Variants in DCLRE1C observed in about 807,000 individuals in gnomAD.
The protein encoded by DCLRE1C is protein artemis.
A neutral mutation model predicts 61.4 loss-of-function variants in DCLRE1C; 47 were observed. The observed-to-expected ratio is 0.77, with a 90% confidence interval of 0.61 to 0.98. The LOEUF is 0.98. DCLRE1C is among the 50% of genes least tolerant of loss of function. The pLI, the probability that DCLRE1C is intolerant of heterozygous loss-of-function variation, is 0.00. For synonymous variants in DCLRE1C, 337 were observed against 287.6 expected, an observed-to-expected ratio of 1.17 and a Z score of -1.74; for missense variants, 858 against 816.0, an observed-to-expected ratio of 1.05 and a Z score of -0.63.
intron 1 of DCLRE1C, among the ~76,000 whole-genome samples, chr10:14,952,751 C>T (rs978381345): frequency 2.0e-5 from 3 of 151,946 alleles, no homozygotes; most frequent in Non-Finnish European, 4.4e-5. Flanking sequence ...AAGACGTGCA[C>T]GATGCGAATA....
At position 14,947,089 on chromosome 10, in the gene DCLRE1C, G is replaced by A. The variant is rs540811489; in HGVS notation, c.162-1900C>T. ...TAGTTGGGCTTAGAGGCACGTGCCT[G>A]TAGTCCTAGCTGCTTGGGAGGCTGA... On this transcript the variant is annotated intron_variant, in intron 2 of 13. Coordinates refer to ENST00000378278, the MANE Select transcript of DCLRE1C (RefSeq NM_001033855.3). Among the ~76,000 whole-genome samples the A allele has an allele frequency of 7.9e-5, 12 of 152,272 alleles. No homozygotes were observed. In the East Asian group the frequency reaches 1.2e-3, roughly 15 times the overall value.
intron 12 of DCLRE1C, chr10:14,920,439 G>A: frequency 9.9e-6 from 10 of 1,010,154 alleles, no homozygotes; most frequent in Non-Finnish European, 1.2e-5. Flanking sequence ...AAGCCTTTAG[G>A]ATGATCTACA....
chr10:14,954,314 T>A (rs1842871136), upstream of DCLRE1C: 1 of 489,292 alleles, frequency 2.0e-6, no homozygotes, highest in Non-Finnish European at 3.7e-6. Context: ...GGTAAGGCGT[T>A]GCCCATGTCT....
At chr10:14,909,772 G>GACTT (rs1238683054) in intron 13 of DCLRE1C, among the ~76,000 whole-genome samples, 1 of 150,218 alleles carries the variant, frequency 6.7e-6, no homozygotes, top group Non-Finnish European at 1.5e-5. Flanking sequence ...TGGGTTGGCT[G>GACTT]ACTTAGGAAA....
intron 2 of DCLRE1C, among the ~76,000 whole-genome samples, chr10:14,948,787 T>TATATATAC (rs1226369924): frequency 4.6e-5 from 7 of 151,486 alleles, no homozygotes; most frequent in African/African-American, 1.5e-4. Context: ...TATATATATA[T>TATATATAC]ATATCAAGTT....
chr10:14,929,584 G>A (rs1838635667), intron 9 of DCLRE1C, among the ~76,000 whole-genome samples: 1 of 152,054 alleles, frequency 6.6e-6, no homozygotes, highest in African/African-American at 2.4e-5. Flanking sequence ...CGAGGCTACA[G>A]TGAGCAATGA....
intron 2 of DCLRE1C, among the ~76,000 whole-genome samples, chr10:14,948,662 G>A (rs1842022824): frequency 6.6e-6 from 1 of 151,942 alleles, no homozygotes; most frequent in Non-Finnish European, 1.5e-5. Flanking sequence ...GATCACCTGA[G>A]GCCAGGAGTT....
chr10:14,940,416 G>A (rs1380740225), intron 3 of DCLRE1C, among the ~76,000 whole-genome samples: 2 of 151,778 alleles, frequency 1.3e-5, no homozygotes, highest in Non-Finnish European at 2.9e-5. Flanking sequence ...AGCCTCCCAA[G>A]TAGCTGGGAT....
chr10:14,908,911 CAG>C lies in DCLRE1C; in HGVS notation c.1574_1575del (p.Ser525Ter). 6.2e-7 allele frequency: 1 copy of C among 1,614,182 alleles called. No homozygotes were observed. Among genetic ancestry groups the C allele is most frequent in the Non-Finnish European group, 8.5e-7 (1 of 1,180,024 alleles). ...GAGGAGATGTGAGTTGATTCTCCAT[CAG>C]AGTCACTGAAAAGCTTTGGTGACTG... is the stretch of plus-strand genomic sequence containing the variant. ...GSQSPKLFSD[S>X]DGESTHISSQ... On this transcript the variant is annotated frameshift_variant, in exon 14 of 14. Transcript: ENST00000378278. LOFTEE classifies it low-confidence loss of function (END_TRUNC).
intron 1 of DCLRE1C, among the ~76,000 whole-genome samples, chr10:14,951,612 A>G (rs1158773605): frequency 1.3e-5 from 2 of 152,064 alleles, no homozygotes; most frequent in Non-Finnish European, 2.9e-5. Context: ...GGAAGCTGGG[A>G]AGATCAAGAT....
chr10:14,943,112 G>A (rs1465534966), intron 3 of DCLRE1C, among the ~76,000 whole-genome samples: 1 of 152,066 alleles, frequency 6.6e-6, no homozygotes, highest in African/African-American at 2.4e-5. Flanking sequence ...GTGACAGAGT[G>A]AGACTATCTC....
chr10:14,942,759 A>G (rs12258170), intron 3 of DCLRE1C, among the ~76,000 whole-genome samples: 4,353 of 152,180 alleles, frequency 0.029, 116 homozygotes, highest in African/African-American at 0.093. Flanking sequence ...CCTTAGTGCT[A>G]AGGCAGGCAT....
At chr10:14,919,125 T>C (rs1187951471) in intron 13 of DCLRE1C, among the ~76,000 whole-genome samples, 1 of 152,136 alleles carries the variant, frequency 6.6e-6, no homozygotes, top group East Asian at 1.9e-4. Context: ...TAACTGACTT[T>C]CCACCAAAGG....
intron 13 of DCLRE1C, among the ~76,000 whole-genome samples, chr10:14,914,756 T>C (rs1835880396): frequency 6.6e-6 from 1 of 152,092 alleles, no homozygotes; most frequent in Non-Finnish European, 1.5e-5. Flanking sequence ...CTGGCCAACA[T>C]GGCAAAACCC....
At position 14,927,105 on chromosome 10, in the gene DCLRE1C, C is replaced by T. The variant is rs373557682; in HGVS notation, c.918-208G>A. ...AGAAGTGGAAACCTGTTGTAGACCG[C>T]GTGTGGTGGCTCACGCCTATAATCC... On this transcript the variant is annotated intron_variant, in intron 10 of 13. Transcript: ENST00000378278. 1.8e-4 allele frequency among the ~76,000 whole-genome samples: 27 copies of T among 152,226 alleles called. No homozygotes were observed. In the East Asian group the frequency reaches 3.7e-3, roughly 21 times the overall value.
At chr10:14,923,735 A>C (rs918415241) in intron 11 of DCLRE1C, 5 of 153,616 alleles carry the variant, frequency 3.3e-5, no homozygotes, top group Non-Finnish European at 7.2e-5. Flanking sequence ...GATTTGTTCA[A>C]ATGGTTCATT....
intron 13 of DCLRE1C, among the ~76,000 whole-genome samples, chr10:14,910,067 TCTA>T (rs1402402094): frequency 1.3e-5 from 2 of 152,206 alleles, no homozygotes; most frequent in African/African-American, 2.4e-5. Flanking sequence ...AACTTCTTGT[TCTA>T]CTGCTGAATC....
chr10:14,920,507 C>A, intron 12 of DCLRE1C: 1 of 826,020 alleles, frequency 1.2e-6, no homozygotes, highest in Non-Finnish European at 1.5e-6. Flanking sequence ...TACAGCCACC[C>A]CCATTTTACG....
Position 14,949,724 on chromosome 10 carries a change from C to T in DCLRE1C, c.110-637G>A, listed in dbSNP as rs914764262. 5.3e-5 allele frequency among the ~76,000 whole-genome samples: 8 copies of T among 152,348 alleles called. No homozygotes were observed. In the East Asian group the frequency reaches 1.5e-3, roughly 29 times the overall value. On this transcript the variant is annotated intron_variant, in intron 1 of 13. Transcript: ENST00000378278. ...AATCTTTAGCAAGTAAAGGCCCAGA[C>T]AACAATGATCAAACAGCTCTAAATT...
Sources: gnomAD v4.1 joint callset for allele counts (sites outside exome capture counted in the v4.1 genomes callset) on GRCh38, gnomAD v4.1.1 for gene constraint, MANE v1.5 for transcripts, NCBI Gene and HGNC (gene_info 2026-07-23, HGNC 2026-07-21) for gene names.